Variants in CFAP299 observed in about 807,000 individuals in gnomAD.
CFAP299 encodes cilia- and flagella-associated protein 299.
A neutral mutation model predicts 27.0 loss-of-function variants in CFAP299; 21 were observed. The ratio of observed to expected loss-of-function variants is 0.78; its 90% confidence interval spans 0.55 to 1.12. The LOEUF (loss-of-function observed/expected upper bound fraction) is 1.12. Ranked by LOEUF, CFAP299 falls within the 50% of genes most tolerant of loss-of-function variation. The pLI is 0.00. For synonymous variants in CFAP299, 104 were observed against 98.1 expected (o/e 1.06, Z -0.36); for missense variants, 310 against 276.6 (o/e 1.12, Z -0.86).
chr4:80,853,054 G>A lies in CFAP299; in HGVS notation c.334-16939G>A, dbSNP rs183851865. 3.4e-3 allele frequency among the ~76,000 whole-genome samples: 518 copies of A among 151,628 alleles called. 3 individuals are homozygous for A. Among genetic ancestry groups the A allele is most frequent in the Middle Eastern group, 0.01 (3 of 294 alleles). On this transcript the variant is annotated intron_variant, in intron 3 of 5. Coordinates refer to ENST00000358105, the MANE Select transcript of CFAP299 (RefSeq NM_152770.3). ...TTATTTATTTATTTATTTTTGAGACGGAGTCTCATTCTATTGCCCAGGCTG... is the reference window on the plus strand; with the variant it reads ...TTATTTATTTATTTATTTTTGAGACAGAGTCTCATTCTATTGCCCAGGCTG...
chr4:80,509,550 T>C (rs1439258580), intron 2 of CFAP299, among the ~76,000 whole-genome samples: 1 of 152,198 alleles, frequency 6.6e-6, no homozygotes. Context: ...CCTCTGAGTG[T>C]GAATATTGAA....
the CFAP299 span, among the ~76,000 whole-genome samples, chr4:80,325,081 G>A: frequency 6.6e-6 from 1 of 152,182 alleles, no homozygotes; most frequent in Non-Finnish European, 1.5e-5. Context: ...CAAGATCATG[G>A]CACTGCACTG....
intron 2 of CFAP299, among the ~76,000 whole-genome samples, chr4:80,405,016 G>A (rs184768689): frequency 4.0e-4 from 61 of 152,136 alleles, no homozygotes; most frequent in African/African-American, 1.2e-3. Context: ...GACATATATC[G>A]TCAAACAAAT....
intron 3 of CFAP299, among the ~76,000 whole-genome samples, chr4:80,793,095 AGTTATG>A (rs1727661802): frequency 6.9e-6 from 1 of 145,308 alleles, no homozygotes; most frequent in African/African-American, 2.7e-5. Flanking sequence ...ATATCCTATT[AGTTATG>A]TGTGTGTGTG....
chr4:80,649,945 T>A (rs1740204010), intron 3 of CFAP299, among the ~76,000 whole-genome samples: 1 of 152,118 alleles, frequency 6.6e-6, no homozygotes, highest in Admixed American at 6.6e-5. Context: ...TTCATTTTTG[T>A]ACGTGATTAA....
intron 2 of CFAP299, among the ~76,000 whole-genome samples, chr4:80,368,197 G>A (rs1019097757): frequency 2.0e-5 from 3 of 152,204 alleles, no homozygotes; most frequent in African/African-American, 7.2e-5. Flanking sequence ...CTTCTTGGAA[G>A]ACTATTAGAT....
the CFAP299 span, among the ~76,000 whole-genome samples, chr4:80,329,236 C>A: frequency 4.0e-5 from 4 of 99,992 alleles, no homozygotes; most frequent in Non-Finnish European, 6.2e-5. Context: ...TATATGTTAT[C>A]ATTGCTCCTG....
chr4:80,771,847 A>G (rs191803957), intron 3 of CFAP299, among the ~76,000 whole-genome samples: 139 of 152,302 alleles, frequency 9.1e-4, no homozygotes, highest in African/African-American at 3.2e-3. Flanking sequence ...TTCCTCTTAC[A>G]TCCCATTTTG....
At chr4:80,450,073 T>C (rs924532157) in intron 2 of CFAP299, among the ~76,000 whole-genome samples, 1 of 152,164 alleles carries the variant, frequency 6.6e-6, no homozygotes, top group Non-Finnish European at 1.5e-5. Context: ...ATTGGCACAA[T>C]GTTTTTCCAA....
At chr4:80,938,995 C>T (rs944878413) in intron 4 of CFAP299, among the ~76,000 whole-genome samples, 3 of 152,218 alleles carry the variant, frequency 2.0e-5, no homozygotes, top group Admixed American at 2.0e-4. Context: ...TCTCTCCTGG[C>T]CCATAAACAT....
Position 80,362,687 on chromosome 4 carries a change from A to ATAAG in CFAP299, c.112-55_112-52dup, listed in dbSNP as rs200467636. On this transcript the variant is annotated intron_variant, in intron 1 of 5. Coordinates refer to ENST00000358105, the MANE Select transcript of CFAP299 (RefSeq NM_152770.3). ...TTGGTATACATTGCAGATGTAAGAT[A>ATAAG]TAAGTAAGTAAGTAAAAATAGTATG... 2,644 of 1,493,230 alleles carry ATAAG rather than the reference A, an allele frequency of 1.8e-3. 36 individuals are homozygous for ATAAG. The African/African-American group carries it at 0.03, about 17-fold the overall frequency. 92.5% of individuals were successfully genotyped at this position (1,493,230 alleles called of 1,614,324 possible).
chr4:80,626,684 A>C (rs1227417785), intron 3 of CFAP299, among the ~76,000 whole-genome samples: 2 of 151,816 alleles, frequency 1.3e-5, no homozygotes, highest in Non-Finnish European at 3.0e-5. Context: ...GAGATATTAC[A>C]ATTGACACAA....
At chr4:80,721,368 C>T (rs1039396357) in intron 3 of CFAP299, among the ~76,000 whole-genome samples, 21 of 152,276 alleles carry the variant, frequency 1.4e-4, no homozygotes, top group African/African-American at 5.1e-4. Context: ...TTTTGGAAAG[C>T]TACATGTCTG....
chr4:80,592,779 T>C (rs1230206179), intron 3 of CFAP299, among the ~76,000 whole-genome samples: 3 of 152,238 alleles, frequency 2.0e-5, no homozygotes, highest in South Asian at 4.1e-4. Context: ...TTTAGTGTTT[T>C]TGCTATTAGG....
chr4:80,474,804 A>G (rs1730191067), intron 2 of CFAP299, among the ~76,000 whole-genome samples: 1 of 152,214 alleles, frequency 6.6e-6, no homozygotes, highest in South Asian at 2.1e-4. Flanking sequence ...GGTGGTGAGA[A>G]AGACGTGGTA....
intron 2 of CFAP299, among the ~76,000 whole-genome samples, chr4:80,550,003 A>G (rs1198309317): frequency 2.0e-5 from 3 of 152,016 alleles, no homozygotes; most frequent in Non-Finnish European, 2.9e-5. Context: ...ATGAAATAAC[A>G]TATTGACTTT....
chr4:80,456,845 T>C (rs1729188919), intron 2 of CFAP299, among the ~76,000 whole-genome samples: 2 of 152,090 alleles, frequency 1.3e-5, no homozygotes, highest in South Asian at 4.1e-4. Context: ...AACACTCCAA[T>C]GCATAGAAGT....
At chr4:80,856,394 G>C (rs990633171) in intron 3 of CFAP299, among the ~76,000 whole-genome samples, 2 of 151,272 alleles carry the variant, frequency 1.3e-5, no homozygotes, top group Non-Finnish European at 2.9e-5. Flanking sequence ...CTGTGCAGAA[G>C]CTCTTTAGTT....
intron 3 of CFAP299, among the ~76,000 whole-genome samples, chr4:80,803,780 C>T (rs900238616): frequency 5.3e-5 from 8 of 150,368 alleles, no homozygotes; most frequent in Non-Finnish European, 4.4e-5. Context: ...ATATTTTCTG[C>T]AACGTTTTTA....
Sources: allele counts gnomAD v4.1 joint callset (sites outside exome capture counted in the v4.1 genomes callset), GRCh38; gene constraint gnomAD v4.1.1; transcripts MANE v1.5; gene names NCBI Gene and HGNC (gene_info 2026-07-23, HGNC 2026-07-21).